The following ASPH variants were observed in gnomAD, a reference collection of about 807,000 sequenced individuals.
The protein encoded by ASPH is aspartate beta-hydroxylase, also known as aspartyl/asparaginyl beta-hydroxylase.
Under a neutral mutation model 118.4 loss-of-function variants are expected in ASPH, and 100 were observed. The ratio of observed to expected loss-of-function variants is 0.84; its 90% CI spans 0.72 to 1.00. The LOEUF is 1.00. Ranked by LOEUF, ASPH falls within the 50% of genes least tolerant of loss-of-function variation. The pLI, the probability that ASPH is intolerant of heterozygous loss-of-function variation, is 0.00. For missense variants in ASPH, 920 were observed against 919.5 expected (o/e 1.00, Z -0.01); for synonymous variants, 315 against 325.6 (o/e 0.97, Z 0.35).
chr8:61,616,630 T>C (rs911612196), intron 14 of ASPH, among the ~76,000 whole-genome samples: 4 of 152,192 alleles, frequency 2.6e-5, no homozygotes, highest in African/African-American at 9.6e-5. Flanking sequence ...TAACTGTATC[T>C]TACACACTCT....
chr8:61,569,473 C>T (rs2350619), intron 16 of ASPH, among the ~76,000 whole-genome samples: 81,013 of 151,866 alleles, frequency 0.53, 25,638 homozygotes, highest in Non-Finnish European at 0.7. Context: ...AATTTGAGGG[C>T]ACAGTAAGAA....
At chr8:61,571,494 T>G (rs747447209) in intron 16 of ASPH, among the ~76,000 whole-genome samples, 1 of 152,238 alleles carries the variant, frequency 6.6e-6, no homozygotes, top group Non-Finnish European at 1.5e-5. Flanking sequence ...TTATACCCAA[T>G]ACAATGTAAC....
intron 3 of ASPH, chr8:61,658,422 A>G (rs1339511575): frequency 3.3e-5 from 5 of 152,212 alleles, no homozygotes; most frequent in African/African-American, 1.2e-4. Context: ...GACTGGTGAG[A>G]GTGGACTCAC....
At chr8:61,525,355 C>T (rs531082446) in intron 22 of ASPH, among the ~76,000 whole-genome samples, 20 of 135,034 alleles carry the variant, frequency 1.5e-4, no homozygotes, top group African/African-American at 3.4e-4. Context: ...CACACACACA[C>T]GCACACACAC....
intron 19 of ASPH, among the ~76,000 whole-genome samples, chr8:61,553,704 A>G (rs547243005): frequency 1.3e-5 from 2 of 152,166 alleles, no homozygotes; most frequent in Non-Finnish European, 2.9e-5. Flanking sequence ...CATTTACCTA[A>G]TTCTCTGATT....
chr8:61,555,859 C>A, intron 19 of ASPH, 65 bp downstream of exon 19: 1 of 1,382,268 alleles, frequency 7.2e-7, no homozygotes, highest in Non-Finnish European at 1.0e-6. Flanking sequence ...AAGGAATAAG[C>A]AAGTGTGTCC....
rs1406366536 is a variant in ASPH, at chr8:61,714,382, G to A, written c.-11C>T. On this transcript the variant is annotated 5_prime_UTR_variant, in exon 1 of 25. Coordinates refer to ENST00000379454, the MANE Select transcript of ASPH (RefSeq NM_004318.4). ...CTTACGCTGGGCCATTGCACGGTCC[G>A]CGGGGGCTGGTGAGGGCTGGCGGAC... The A allele has an allele frequency of 1.3e-5, 19 of 1,500,290 alleles. No individual in the cohort carries two copies. Among genetic ancestry groups the A allele is most frequent in the Admixed American group, 2.2e-5 (1 of 45,922 alleles). The allele number at this position is 1,500,290 out of a possible 1,614,324, so 92.9% of individuals were successfully genotyped here.
At chr8:61,566,191 AAT>A (rs1423363928) in intron 17 of ASPH, among the ~76,000 whole-genome samples, 1 of 152,204 alleles carries the variant, frequency 6.6e-6, no homozygotes, top group Non-Finnish European at 1.5e-5. Flanking sequence ...TAAATGTCAC[AAT>A]ATAAAAACTA....
intron 10 of ASPH, among the ~76,000 whole-genome samples, chr8:61,641,157 T>C (rs1179070223): frequency 6.6e-6 from 1 of 152,210 alleles, no homozygotes; most frequent in African/African-American, 2.4e-5. Flanking sequence ...TCTTAGGTTA[T>C]ATTTACTGCC....
intron 22 of ASPH, among the ~76,000 whole-genome samples, chr8:61,523,535 T>C (rs926554023): frequency 6.6e-6 from 1 of 152,080 alleles, no homozygotes; most frequent in African/African-American, 2.4e-5. Context: ...CAAGCTTGTC[T>C]TGAACTCCTG....
chr8:61,681,879 C>A (rs1325163926), intron 2 of ASPH, among the ~76,000 whole-genome samples: 2 of 151,846 alleles, frequency 1.3e-5, no homozygotes, highest in African/African-American at 4.8e-5. Flanking sequence ...AAAAAAGCAT[C>A]CTAAAATCTA....
chr8:61,693,165 T>C (rs1254416183), intron 1 of ASPH, among the ~76,000 whole-genome samples: 1 of 152,136 alleles, frequency 6.6e-6, no homozygotes, highest in Non-Finnish European at 1.5e-5. Flanking sequence ...TCTATCCCTG[T>C]GGCCAGCTAG....
chr8:61,676,154 G>C (rs1825214097), intron 3 of ASPH: 1 of 1,599,268 alleles, frequency 6.3e-7, no homozygotes, highest in South Asian at 1.1e-5. Context: ...AACACCATCT[G>C]CGGTTTCGCT....
At chr8:61,535,805 A>G (rs2129809297) in intron 21 of ASPH, among the ~76,000 whole-genome samples, 1 of 152,342 alleles carries the variant, frequency 6.6e-6, no homozygotes, top group African/African-American at 2.4e-5. Context: ...AATCTGCCTT[A>G]GAAACAACAT....
intron 22 of ASPH, among the ~76,000 whole-genome samples, chr8:61,518,879 C>T (rs111294700): frequency 5.9e-5 from 9 of 152,214 alleles, no homozygotes; most frequent in East Asian, 1.9e-4. Context: ...TGGTGTTATT[C>T]GAGGTTTGCA....
chr8:61,663,510 T>C (rs1482024669), intron 3 of ASPH: 4 of 985,172 alleles, frequency 4.1e-6, no homozygotes, highest in Non-Finnish European at 4.8e-6. Context: ...ACTTAGGAAG[T>C]GAGCTAAGAG....
At chr8:61,638,503 G>A (rs2150894747) in intron 10 of ASPH, 140 bp from the exon 11 acceptor site, 4 of 710,806 alleles carry the variant, frequency 5.6e-6, no homozygotes, top group African/African-American at 1.8e-5. Context: ...GCCGACTAGA[G>A]AGTAGGGTGG....
At chr8:61,608,879 T>C (rs1846414416) in intron 14 of ASPH, among the ~76,000 whole-genome samples, 1 of 152,204 alleles carries the variant, frequency 6.6e-6, no homozygotes, top group Admixed American at 6.5e-5. Context: ...TCCTTTGCTC[T>C]CACTGTGCCT....
chr8:61,706,643 A>G (rs561624930), intron 1 of ASPH, among the ~76,000 whole-genome samples: 2 of 152,334 alleles, frequency 1.3e-5, no homozygotes, highest in South Asian at 4.1e-4. Flanking sequence ...TTTCATGAAC[A>G]TATTTGATAA....
Sources: gnomAD v4.1 joint callset for allele counts (sites outside exome capture counted in the v4.1 genomes callset) on GRCh38, gnomAD v4.1.1 for gene constraint, MANE v1.5 for transcripts, NCBI Gene and HGNC (gene_info 2026-07-23, HGNC 2026-07-21) for gene names.